The following PCDH9 variants were observed in gnomAD, a reference collection of about 807,000 sequenced individuals.
PCDH9 encodes the protein protocadherin-9.
Under a neutral mutation model 70.6 loss-of-function variants are expected in PCDH9, and 24 were observed. That is an observed-to-expected ratio of 0.34 (90% CI 0.25 to 0.48). The LOEUF is 0.48. Among genes scored for constraint, PCDH9 ranks in the 20% least tolerant of loss-of-function variants. The pLI is 0.99. For missense variants in PCDH9, 1,281 were observed against 1,503.6 expected (o/e 0.85, Z 2.45); for synonymous variants, 562 against 558.5 (o/e 1.01, Z -0.09).
At chr13:66,666,060 AAATGAATCCAAGGCTAAG>A (rs1276237612) in intron 3 of PCDH9, among the ~76,000 whole-genome samples, 5 of 152,192 alleles carry the variant, frequency 3.3e-5, no homozygotes, top group Non-Finnish European at 7.3e-5. Context: ...ATACTGTTGC[AAATGAATCCAAGGCTAAG>A]AACTGAGCAT....
intron 3 of PCDH9, among the ~76,000 whole-genome samples, chr13:66,819,208 G>T (rs999840566): frequency 1.3e-5 from 2 of 151,766 alleles, no homozygotes; most frequent in African/African-American, 4.8e-5. Flanking sequence ...AGAACCATTG[G>T]TTTGTCAAAT....
In PCDH9 at chr13:66,804,491, G is replaced by A. The variant is rs190927272; in HGVS notation, c.3138+99013C>T. Reference sequence around the variant, plus strand: ...TTGAGATAGAGAGGAAGATTGTAAAGGGAACATAGTTTCACAAGCACTGTA... The same window carrying A: ...TTGAGATAGAGAGGAAGATTGTAAAAGGAACATAGTTTCACAAGCACTGTA... On this transcript the variant is annotated intron_variant, in intron 3 of 4. Coordinates refer to ENST00000377865, the MANE Select transcript of PCDH9 (RefSeq NM_203487.3). Among the ~76,000 whole-genome samples, 5 of 152,112 alleles carry A rather than the reference G, an allele frequency of 3.3e-5. No individual in the cohort carries two copies. In the East Asian group the frequency reaches 9.7e-4, roughly 29 times the overall value.
At chr13:67,176,018 T>C (rs981158985) in intron 2 of PCDH9, among the ~76,000 whole-genome samples, 3 of 151,920 alleles carry the variant, frequency 2.0e-5, no homozygotes, top group African/African-American at 7.3e-5. Flanking sequence ...TTGAGCTAGC[T>C]GATAAGTTTT....
In PCDH9 at chr13:67,160,576, ATTT is replaced by A. The variant is rs34756420; in HGVS notation, c.3036+64826_3036+64828del. The stretch of plus-strand genomic sequence containing the variant: ...AAAAAAAGTGATATACTCAAAGGCT[ATTT>A]TTTTTTTTTATTTTAGGGTTTATGA... On this transcript the variant is annotated intron_variant, in intron 2 of 4. Transcript: ENST00000377865. 7.2e-3 allele frequency among the ~76,000 whole-genome samples: 1,071 copies of A among 149,340 alleles called. 13 individuals are homozygous for A. The highest frequency in any genetic ancestry group is 0.025 in the African/African-American group (1,017 of 40,778).
At chr13:66,836,981 T>C (rs2081032764) in intron 3 of PCDH9, among the ~76,000 whole-genome samples, 1 of 152,164 alleles carries the variant, frequency 6.6e-6, no homozygotes, top group Non-Finnish European at 1.5e-5. Flanking sequence ...TGTGCCCAAG[T>C]ATACGCTAAA....
At chr13:66,901,485 A>G (rs545834821) in intron 3 of PCDH9, among the ~76,000 whole-genome samples, 1 of 151,890 alleles carries the variant, frequency 6.6e-6, no homozygotes, top group African/African-American at 2.4e-5. Context: ...TTCAGAGAAA[A>G]TGGGCCTGGA....
intron 3 of PCDH9, among the ~76,000 whole-genome samples, chr13:66,799,413 T>G (rs1479112565): frequency 2.0e-5 from 3 of 152,130 alleles, no homozygotes; most frequent in Non-Finnish European, 4.4e-5. Context: ...AAAATCTTTC[T>G]GCATTGAGAG....
At chr13:66,332,109 C>G (rs962770074) in intron 4 of PCDH9, among the ~76,000 whole-genome samples, 1 of 152,058 alleles carries the variant, frequency 6.6e-6, no homozygotes, top group Non-Finnish European at 1.5e-5. Context: ...CTCTCAGTGG[C>G]CCCACTAAGA....
At chr13:66,565,368 A>G (rs1226063855) in intron 4 of PCDH9, among the ~76,000 whole-genome samples, 2 of 152,222 alleles carry the variant, frequency 1.3e-5, no homozygotes, top group Non-Finnish European at 1.5e-5. Context: ...TTCATGAACA[A>G]TGTGCCCTCA....
At chr13:66,544,216 T>C (rs1961083647) in intron 4 of PCDH9, among the ~76,000 whole-genome samples, 2 of 152,184 alleles carry the variant, frequency 1.3e-5, no homozygotes, top group South Asian at 4.1e-4. Flanking sequence ...TCACTGTTTT[T>C]CGGTCCAGTA....
chr13:66,995,461 C>T (rs1158996335), intron 2 of PCDH9, among the ~76,000 whole-genome samples: 1 of 151,898 alleles, frequency 6.6e-6, no homozygotes, highest in Non-Finnish European at 1.5e-5. Flanking sequence ...AAAGTGTCCA[C>T]CACTAAGGGA....
intron 2 of PCDH9, among the ~76,000 whole-genome samples, chr13:67,119,075 G>T (rs948632995): frequency 6.6e-6 from 1 of 152,060 alleles, no homozygotes; most frequent in Non-Finnish European, 1.5e-5. Flanking sequence ...ATAAGAATCA[G>T]AAAGTCCTTT....
At chr13:67,198,862 A>G (rs1055065663) in intron 2 of PCDH9, among the ~76,000 whole-genome samples, 20 of 151,876 alleles carry the variant, frequency 1.3e-4, no homozygotes, top group Non-Finnish European at 2.7e-4. Flanking sequence ...AGGAGAAATA[A>G]TGACCTCTGC....
intron 3 of PCDH9, among the ~76,000 whole-genome samples, chr13:66,812,573 A>T (rs1410695204): frequency 6.6e-6 from 1 of 152,198 alleles, no homozygotes; most frequent in Non-Finnish European, 1.5e-5. Context: ...TGCCTAGGGC[A>T]CTGTTGGAGC....
chr13:66,648,022 C>T (rs2077795896), intron 3 of PCDH9, among the ~76,000 whole-genome samples: 3 of 152,146 alleles, frequency 2.0e-5, no homozygotes, highest in Admixed American at 2.0e-4. Context: ...GGCTTGGGTG[C>T]CAGCTCAACC....
At chr13:66,829,717 C>CAAAA (rs562176354) in intron 3 of PCDH9, among the ~76,000 whole-genome samples, 1,396 of 52,966 alleles carry the variant, frequency 0.026, 177 homozygotes, top group Middle Eastern at 0.071. Flanking sequence ...GACTCCGTCT[C>CAAAA]AAAAAAAAAA....
At chr13:66,856,844 A>G (rs2081403363) in intron 3 of PCDH9, among the ~76,000 whole-genome samples, 1 of 152,120 alleles carries the variant, frequency 6.6e-6, no homozygotes, top group Non-Finnish European at 1.5e-5. Context: ...TAGCGTTTCT[A>G]CAATCATATA....
chr13:66,712,299 T>A (rs2139132134), intron 3 of PCDH9, among the ~76,000 whole-genome samples: 1 of 152,228 alleles, frequency 6.6e-6, no homozygotes, highest in East Asian at 1.9e-4. Flanking sequence ...ACGGTTATTA[T>A]TTCATAAAAC....
chr13:66,334,841 C>T (rs1329814540), intron 4 of PCDH9, among the ~76,000 whole-genome samples: 2 of 152,014 alleles, frequency 1.3e-5, no homozygotes, highest in East Asian at 1.9e-4. Context: ...AAGGCATGAA[C>T]TTTTATATTT....
Sources: gnomAD v4.1 joint callset for allele counts (sites outside exome capture counted in the v4.1 genomes callset) on GRCh38, gnomAD v4.1.1 for gene constraint, MANE v1.5 for transcripts, NCBI Gene and HGNC (gene_info 2026-07-23, HGNC 2026-07-21) for gene names.